FAM163A: variants seen among roughly 807,000 people sequenced by gnomAD.
FAM163A encodes protein FAM163A.
In FAM163A, 7 loss-of-function variants were observed where a neutral mutation model predicts 12.0. The ratio of observed to expected loss-of-function variants is 0.58; its 90% CI spans 0.33 to 1.10. FAM163A has a LOEUF of 1.10. FAM163A is among the 50% of genes least tolerant of loss of function. The pLI is 0.03. For missense variants in FAM163A, 202 were observed against 218.6 expected, an observed-to-expected ratio of 0.92 and a Z score of 0.48; for synonymous variants, 101 against 91.0, an observed-to-expected ratio of 1.11 and a Z score of -0.62.
chr1:179,774,621 T>TAGAGCAGA, intron 1 of FAM163A, among the ~76,000 whole-genome samples: 1 of 152,124 alleles, frequency 6.6e-6, no homozygotes, highest in Non-Finnish European at 1.5e-5. Flanking sequence ...GGGAAGCAGC[T>TAGAGCAGA]AGAGCAGAAG....
the FAM163A span, among the ~76,000 whole-genome samples, chr1:179,731,261 A>G: frequency 1.3e-5 from 2 of 152,228 alleles, no homozygotes; most frequent in East Asian, 3.8e-4. Flanking sequence ...GGGAAGAGAG[A>G]AGGTATATAG....
At chr1:179,799,507 G>A (rs542073360) in intron 1 of FAM163A, among the ~76,000 whole-genome samples, 1 of 152,400 alleles carries the variant, frequency 6.6e-6, no homozygotes, top group African/African-American at 2.4e-5. Flanking sequence ...TGGAAGAAGA[G>A]TGGCAGCAGG....
intron 1 of FAM163A, among the ~76,000 whole-genome samples, chr1:179,759,673 CT>C (rs1385732351): frequency 0.016 from 2,404 of 149,480 alleles, 76 homozygotes; most frequent in African/African-American, 0.055. Flanking sequence ...ACTAGATCCC[CT>C]TTTTTTTTTT....
the FAM163A span, among the ~76,000 whole-genome samples, chr1:179,727,972 T>C: frequency 6.6e-6 from 1 of 150,784 alleles, no homozygotes; most frequent in Admixed American, 6.6e-5. Context: ...AGATAGGAGC[T>C]TGATTATAAT....
intron 1 of FAM163A, among the ~76,000 whole-genome samples, chr1:179,775,506 C>A (rs1013111604): frequency 1.7e-4 from 26 of 152,166 alleles, no homozygotes; most frequent in Non-Finnish European, 2.9e-4. Context: ...GTGAAATGGC[C>A]TTAGGTTCCT....
intron 1 of FAM163A, among the ~76,000 whole-genome samples, chr1:179,745,149 G>T (rs1400872099): frequency 6.6e-6 from 1 of 152,132 alleles, no homozygotes; most frequent in African/African-American, 2.4e-5. Context: ...TCATGCTGGC[G>T]TCCAGAGGGG....
chr1:179,764,416 G>A (rs570638921), intron 1 of FAM163A, among the ~76,000 whole-genome samples: 1 of 152,270 alleles, frequency 6.6e-6, no homozygotes, highest in African/African-American at 2.4e-5. Context: ...AGACTTTGGG[G>A]TTCTTCAAAT....
At chr1:179,782,144 G>C (rs907092399) in intron 1 of FAM163A, among the ~76,000 whole-genome samples, 1 of 152,086 alleles carries the variant, frequency 6.6e-6, no homozygotes, top group East Asian at 1.9e-4. Flanking sequence ...CTCACGGGCC[G>C]GGTGGAGTGA....
chr1:179,785,601 A>C (rs986210183), intron 1 of FAM163A, among the ~76,000 whole-genome samples: 1 of 152,176 alleles, frequency 6.6e-6, no homozygotes, highest in Non-Finnish European at 1.5e-5. Context: ...TAAGTGATGT[A>C]TGAGTTCGAG....
intron 2 of FAM163A, among the ~76,000 whole-genome samples, chr1:179,811,274 G>A (rs921972506): frequency 2.0e-5 from 3 of 152,174 alleles, no homozygotes; most frequent in Admixed American, 6.5e-5. Context: ...AACAGCTGGT[G>A]GCAGGAAGGG....
intron 1 of FAM163A, among the ~76,000 whole-genome samples, chr1:179,744,036 G>C (rs902533664): frequency 6.6e-6 from 1 of 152,172 alleles, no homozygotes; most frequent in Admixed American, 6.5e-5. Context: ...CTTGAGACCG[G>C]GGCTCGGTTT....
At chr1:179,812,083 A>T (rs1250085793) in intron 2 of FAM163A, 27 bp from the exon 3 acceptor site, 1 of 152,176 alleles carries the variant, frequency 6.6e-6, no homozygotes, top group Non-Finnish European at 1.5e-5. Context: ...TTCTTCCAAC[A>T]TCTCTGTCCT....
rs573597806 is a variant in FAM163A at position 179,797,706 on chromosome 1, A to AT, written c.-135-10087dup. On this transcript the variant is annotated intron_variant, in intron 1 of 4. Transcript: ENST00000341785. ...CATCATCTTTATCTATATATATATA[A>AT]TTTTTATCTGTGAATTAAAAAAATC... 1.2e-4 allele frequency among the ~76,000 whole-genome samples: 19 copies of AT among 152,112 alleles called. No homozygotes were observed. In the South Asian group the frequency reaches 3.9e-3, roughly 32 times the overall value.
At chr1:179,784,117 G>C (rs566123609) in intron 1 of FAM163A, among the ~76,000 whole-genome samples, 44 of 152,240 alleles carry the variant, frequency 2.9e-4, no homozygotes, top group Non-Finnish European at 5.1e-4. Context: ...TCAGGTGGAG[G>C]CTTCCTGGAA....
At chr1:179,755,561 T>G (rs1334367297) in intron 1 of FAM163A, among the ~76,000 whole-genome samples, 2 of 151,952 alleles carry the variant, frequency 1.3e-5, no homozygotes, top group African/African-American at 4.8e-5. Context: ...GGGGTTAGAG[T>G]GAAGAATAAT....
At chr1:179,775,320 C>T (rs558211802) in intron 1 of FAM163A, among the ~76,000 whole-genome samples, 74 of 152,298 alleles carry the variant, frequency 4.9e-4, no homozygotes, top group Non-Finnish European at 9.6e-4. Context: ...TACAAAGTTG[C>T]ACTTCTATGC....
chr1:179,739,287 C>T (rs566657278), upstream of FAM163A, among the ~76,000 whole-genome samples: 1 of 152,094 alleles, frequency 6.6e-6, no homozygotes, highest in African/African-American at 2.4e-5. Context: ...CAACAACATG[C>T]TCCATAATAG....
chr1:179,814,442 T>C lies in FAM163A; in HGVS notation c.*253T>C. 1 of 505,930 alleles carries C rather than the reference T, an allele frequency of 2.0e-6. No individual in the cohort carries two copies. The highest frequency in any genetic ancestry group is 3.5e-6 in the Non-Finnish European group (1 of 289,560). 31.3% of individuals were successfully genotyped at this position (505,930 alleles called of 1,614,324 possible). A position where few individuals can be genotyped will look rare whatever the true frequency, so the allele number is the denominator to read the frequency against. ...TCTGCAGCTTCGCCAGTTTCTTGGT[T>C]GGGACACTCCTCTGGCAGCCCCAGC... On this transcript the variant is annotated 3_prime_UTR_variant, in exon 5 of 5. Transcript: ENST00000341785.
intron 1 of FAM163A, among the ~76,000 whole-genome samples, chr1:179,769,573 G>C (rs1349605454): frequency 2.6e-5 from 4 of 152,190 alleles, no homozygotes. Context: ...TCAATTGTAA[G>C]CTCTGGAAAA....
Sources: allele counts gnomAD v4.1 joint callset (sites outside exome capture counted in the v4.1 genomes callset), GRCh38; gene constraint gnomAD v4.1.1; transcripts MANE v1.5; gene names NCBI Gene and HGNC (gene_info 2026-07-23, HGNC 2026-07-21).